Variants in CDC14B observed in about 807,000 individuals in gnomAD.
CDC14B encodes the protein cell division cycle 14B, also known as dual specificity protein phosphatase CDC14B.
Under a neutral mutation model 64.2 loss-of-function variants are expected in CDC14B, and 22 were observed. The observed-to-expected ratio is 0.34, with a 90% CI of 0.24 to 0.49. The LOEUF (loss-of-function observed/expected upper bound fraction) is 0.49, where lower values mean the gene tolerates loss of function less well. CDC14B is among the 20% of genes least tolerant of loss of function. CDC14B has a pLI of 0.99. For missense variants in CDC14B, 498 were observed against 629.9 expected (o/e 0.79, Z 2.24); for synonymous variants, 191 against 215.8 (o/e 0.89, Z 1.01).
chr9:96,524,244 G>A (rs1587813640), intron 9 of CDC14B, among the ~76,000 whole-genome samples: 1 of 152,162 alleles, frequency 6.6e-6, no homozygotes, highest in Admixed American at 6.5e-5. Flanking sequence ...CTGGCCTTAC[G>A]CCAAGAATTT....
intron 1 of CDC14B, among the ~76,000 whole-genome samples, chr9:96,589,715 T>G (rs898762813): frequency 9.9e-5 from 15 of 152,226 alleles, no homozygotes; most frequent in Admixed American, 5.9e-4. Context: ...TCACAGCACT[T>G]TGGGAGACCC....
chr9:96,606,100 C>T (rs1038322168), intron 1 of CDC14B, among the ~76,000 whole-genome samples: 1 of 151,524 alleles, frequency 6.6e-6, no homozygotes, highest in Non-Finnish European at 1.5e-5. Context: ...TTGGGAGGCT[C>T]AGGTGGGCAG....
At position 96,604,478 on chromosome 9, in the gene CDC14B, T is replaced by C. The variant is rs998065720; in HGVS notation, c.160+14741A>G. ...TCACCACAACCTCCGCCTCCCGGGA[T>C]CAAGCGATTCTCCTGCCTCAGCCTC... On this transcript the variant is annotated intron_variant, in intron 1 of 13. Transcript: ENST00000375241. Among the ~76,000 whole-genome samples the C allele has an allele frequency of 5.9e-5, 9 of 151,394 alleles. No individual in the cohort carries two copies. In the East Asian group the frequency reaches 1.7e-3, roughly 29 times the overall value.
chr9:96,502,717 C>T lies in CDC14B; in HGVS notation c.*1036G>A, dbSNP rs1676344717. The T allele has an allele frequency of 2.5e-6, 1 of 395,018 alleles. No individual in the cohort carries two copies. The highest frequency in any genetic ancestry group is 4.5e-6 in the Non-Finnish European group (1 of 224,108). The allele number at this position is 395,018 out of a possible 1,614,324, so 24.5% of individuals were successfully genotyped here. On this transcript the variant is annotated 3_prime_UTR_variant, in exon 14 of 14. Coordinates refer to ENST00000375241, the MANE Select transcript of CDC14B (RefSeq NM_033331.4). ...CTCTGCAGAGTTACTAGTTGTGTTCCCTAACCAAAGGCAACAGTGAGATCC... is the reference window on the plus strand; with the variant it reads ...CTCTGCAGAGTTACTAGTTGTGTTCTCTAACCAAAGGCAACAGTGAGATCC...
At chr9:96,567,992 C>T (rs1409056688) in intron 1 of CDC14B, among the ~76,000 whole-genome samples, 3 of 152,048 alleles carry the variant, frequency 2.0e-5, no homozygotes, top group Non-Finnish European at 2.9e-5. Flanking sequence ...TATTCTAAAC[C>T]TATGTTTGTA....
At chr9:96,612,171 G>A (rs1223812076) in intron 1 of CDC14B, among the ~76,000 whole-genome samples, 2 of 152,316 alleles carry the variant, frequency 1.3e-5, no homozygotes, top group Middle Eastern at 6.8e-3. Flanking sequence ...CCGCTGCTCT[G>A]ACAAATACAG....
chr9:96,589,066 T>G (rs980756188), intron 1 of CDC14B, among the ~76,000 whole-genome samples: 4 of 152,254 alleles, frequency 2.6e-5, no homozygotes, highest in African/African-American at 9.6e-5. Context: ...CCAGGAGCAG[T>G]GGCTCATGCC....
At chr9:96,564,727 C>T in intron 3 of CDC14B, 50 bp downstream of exon 3, 1 of 1,125,212 alleles carries the variant, frequency 8.9e-7, no homozygotes. Flanking sequence ...ACTTTCGTCC[C>T]CCAGATCAAG....
chr9:96,594,934 C>T (rs1162230658), intron 1 of CDC14B, among the ~76,000 whole-genome samples: 2 of 152,026 alleles, frequency 1.3e-5, no homozygotes, highest in Non-Finnish European at 2.9e-5. Flanking sequence ...AGACGGATCA[C>T]GAGGTCAAGA....
intron 1 of CDC14B, chr9:96,566,877 G>A (rs1178096187): frequency 1.3e-6 from 2 of 1,569,008 alleles, no homozygotes; most frequent in South Asian, 1.2e-5. Context: ...GAGAGGGGAG[G>A]CGCCGCGACC....
chr9:96,566,106 T>C (rs1843875596), intron 1 of CDC14B, among the ~76,000 whole-genome samples: 1 of 152,188 alleles, frequency 6.6e-6, no homozygotes, highest in South Asian at 2.1e-4. Flanking sequence ...GATGAACTTG[T>C]GTTGCATAAA....
chr9:96,583,694 C>A (rs1203385649), intron 1 of CDC14B, among the ~76,000 whole-genome samples: 4 of 151,164 alleles, frequency 2.6e-5, no homozygotes, highest in African/African-American at 9.7e-5. Context: ...AGGGCCCTGG[C>A]CTGGTTGTGA....
At chr9:96,555,574 T>C (rs1317426914) in intron 4 of CDC14B, among the ~76,000 whole-genome samples, 1 of 152,212 alleles carries the variant, frequency 6.6e-6, no homozygotes, top group Non-Finnish European at 1.5e-5. Context: ...TAGTGTGCAG[T>C]AGCACACTCA....
downstream of CDC14B, among the ~76,000 whole-genome samples, chr9:96,498,928 C>T (rs1250077671): frequency 6.6e-6 from 1 of 152,248 alleles, no homozygotes; most frequent in East Asian, 1.9e-4. Context: ...TCCCTGCAGC[C>T]TGCTGCCTCC....
At position 96,502,288 on chromosome 9, in the gene CDC14B, A is replaced by T. The variant is rs1405267476; in HGVS notation, c.*1465T>A. 6.6e-6 allele frequency: 1 copy of T among 152,226 alleles called. No individual in the cohort carries two copies. The highest frequency in any genetic ancestry group is 1.5e-5 in the Non-Finnish European group (1 of 68,038). 9.4% of individuals were successfully genotyped at this position (152,226 alleles called of 1,614,324 possible). A position where few individuals can be genotyped will look rare whatever the true frequency, so the allele number is the denominator to read the frequency against. On this transcript the variant is annotated 3_prime_UTR_variant, in exon 14 of 14. Coordinates refer to ENST00000375241, the MANE Select transcript of CDC14B (RefSeq NM_033331.4). ...CCGGTCAATTTTATACTTTCTTCCA[A>T]GAAAGTACACCAAAATGGAGGCACT... is the stretch of plus-strand genomic sequence containing the variant.
chr9:96,505,998 T>G (rs900597050), intron 13 of CDC14B, among the ~76,000 whole-genome samples: 3 of 152,196 alleles, frequency 2.0e-5, no homozygotes, highest in African/African-American at 7.2e-5. Flanking sequence ...AGCCTCTCAG[T>G]AAAACCAAAA....
Position 96,603,401 on chromosome 9 carries a change from G to T in CDC14B, c.160+15818C>A, listed in dbSNP as rs118044017. ...AAAGAAAGCAACTCTAGGTGAAGAG[G>T]TATAATGCTGTCTAGTTGGCCACAT... On this transcript the variant is annotated intron_variant, in intron 1 of 13. Transcript: ENST00000375241. 5.1e-4 allele frequency among the ~76,000 whole-genome samples: 78 copies of T among 152,246 alleles called. No individual in the cohort carries two copies. The East Asian group carries it at 0.013, about 25-fold the overall frequency.
At chr9:96,524,372 G>C (rs757339425) in intron 9 of CDC14B, among the ~76,000 whole-genome samples, 7 of 152,228 alleles carry the variant, frequency 4.6e-5, no homozygotes, top group African/African-American at 7.2e-5. Flanking sequence ...AGTAAGTGCA[G>C]TGTCTTCTGC....
At chr9:96,585,211 C>A (rs943830991) in intron 1 of CDC14B, among the ~76,000 whole-genome samples, 69 of 149,168 alleles carry the variant, frequency 4.6e-4, no homozygotes, top group African/African-American at 1.7e-3. Context: ...GGGATTAAGG[C>A]ACTTTTTTTT....
Sources: allele counts gnomAD v4.1 joint callset (sites outside exome capture counted in the v4.1 genomes callset), GRCh38; gene constraint gnomAD v4.1.1; transcripts MANE v1.5; gene names NCBI Gene and HGNC (gene_info 2026-07-23, HGNC 2026-07-21).